Variants in IRAK2 observed in about 807,000 individuals in gnomAD.
IRAK2 encodes the protein interleukin-1 receptor-associated kinase-like 2.
A neutral mutation model predicts 72.0 loss-of-function variants in IRAK2; 57 were observed. That is an observed-to-expected ratio of 0.79 (90% CI 0.64 to 0.99). IRAK2 has a LOEUF of 0.99. Among genes scored for constraint, IRAK2 ranks in the 50% least tolerant of loss-of-function variants. The pLI, the probability that IRAK2 is intolerant of heterozygous loss-of-function variation, is 0.00. For missense variants in IRAK2, 790 were observed against 794.4 expected (o/e 0.99, Z 0.07); for synonymous variants, 293 against 312.7 (o/e 0.94, Z 0.67).
chr3:10,213,119 C>T, intron 4 of IRAK2, 88 bp from the exon 5 acceptor site: 1 of 1,114,916 alleles, frequency 9.0e-7, no homozygotes, highest in Non-Finnish European at 1.3e-6. Context: ...CCCTCCATCC[C>T]TCCATCTCTG....
chr3:10,167,085 A>G (rs1202304289), intron 1 of IRAK2, among the ~76,000 whole-genome samples: 2 of 149,180 alleles, frequency 1.3e-5, no homozygotes, highest in African/African-American at 5.1e-5. Context: ...TAGAAGGCAT[A>G]CCTATGACTT....
intron 3 of IRAK2, among the ~76,000 whole-genome samples, chr3:10,207,540 G>A (rs77536727): frequency 0.031 from 4,791 of 152,162 alleles, 152 homozygotes; most frequent in African/African-American, 0.078. Context: ...TGCGCCCACC[G>A]AGGAGCCCCC....
chr3:10,242,193 G>A lies in IRAK2; in HGVS notation c.1843G>A (p.Glu615Lys). ...GGAGAATATTCTGCTCTACAAAGAG[G>A]AAAAAGTGGACAGCATTGAGCTCTT... ...LMENILLYKE[E>K]KVDSIELFGP is the part of the protein sequence containing the mutation. The change falls in exon 13 of 13, where the codon GAA becomes AAA. Residue 615 changes from glutamate (E) to lysine (K), a missense_variant. Physicochemically the swap from Glu to Lys is moderately conservative, Grantham distance 56. Coordinates refer to ENST00000256458, the MANE Select transcript of IRAK2 (RefSeq NM_001570.4). 6.2e-7 allele frequency: 1 copy of A among 1,613,292 alleles called. No individual in the cohort carries two copies. The highest frequency in any genetic ancestry group is 8.5e-7 in the Non-Finnish European group (1 of 1,179,404).
At chr3:10,212,303 AT>A (rs893283581) in intron 4 of IRAK2, among the ~76,000 whole-genome samples, 5 of 150,080 alleles carry the variant, frequency 3.3e-5, no homozygotes, top group South Asian at 2.1e-4. Flanking sequence ...TTTTTTTGCA[AT>A]TTTTTTTTTA....
rs187523003 is a variant in IRAK2 at position 10,222,524 on chromosome 3, C to A, written c.1014-112C>A. The stretch of plus-strand genomic sequence containing the variant: ...GCTCCATGCTGAGGGTCTTTAGAGA[C>A]CTCAACTTGCAGGAGGTGAGGTTGC... On this transcript the variant is annotated intron_variant, in intron 8 of 12. Transcript: ENST00000256458. 141 of 829,860 alleles carry A rather than the reference C, an allele frequency of 1.7e-4. 1 individual carries two copies. The highest frequency in any genetic ancestry group is 2.4e-5 in the Non-Finnish European group (12 of 497,234). The allele number at this position is 829,860 out of a possible 1,614,324, so 51.4% of individuals were successfully genotyped here. A position where few individuals can be genotyped will look rare whatever the true frequency, so the allele number is the denominator to read the frequency against.
At chr3:10,165,077 C>A (rs1270012602) in intron 1 of IRAK2, 29 bp downstream of exon 1, 1 of 1,575,088 alleles carries the variant, frequency 6.3e-7, no homozygotes, top group South Asian at 1.1e-5. Flanking sequence ...GGGGAGGGGA[C>A]CAGGGCGACC....
chr3:10,233,251 C>T (rs1055020641), intron 10 of IRAK2, among the ~76,000 whole-genome samples: 1 of 152,186 alleles, frequency 6.6e-6, no homozygotes, highest in South Asian at 2.1e-4. Flanking sequence ...GAGGTTTCAC[C>T]GTGTCAGCCA....
In IRAK2 at chr3:10,238,784, C is replaced by T. The variant is rs137894595; in HGVS notation, c.1510C>T (p.Arg504Ter). The T allele has an allele frequency of 4.0e-5, 65 of 1,613,928 alleles. No individual in the cohort carries two copies. Among genetic ancestry groups the T allele is most frequent in the East Asian group, 3.8e-4 (17 of 44,876 alleles). The part of the protein sequence containing the change: ...GSVAAVEERL[R>*]GRETLLPWSG... ...TGTGGCTGCTGTGGAAGAGCGGCTC[C>T]GAGGTCGGGAGACGTTGCTCCCTTG... The change falls in exon 12 of 13, where the codon CGA (arginine) becomes TGA (stop). Residue 504 changes from arginine (R) to a stop codon, truncating the protein, a stop_gained. Coordinates refer to ENST00000256458, the MANE Select transcript of IRAK2 (RefSeq NM_001570.4). LOFTEE classifies it high-confidence loss of function.
At chr3:10,234,062 C>T (rs553809730) in intron 10 of IRAK2, among the ~76,000 whole-genome samples, 1 of 152,194 alleles carries the variant, frequency 6.6e-6, no homozygotes, top group South Asian at 2.1e-4. Context: ...GGGGTTTCGC[C>T]CTGTTGGCCA....
At chr3:10,227,265 T>G (rs944647177) in intron 10 of IRAK2, among the ~76,000 whole-genome samples, 5 of 151,882 alleles carry the variant, frequency 3.3e-5, no homozygotes, top group African/African-American at 4.8e-5. Flanking sequence ...CTGGGCAACA[T>G]GGCGAAACCC....
At chr3:10,226,325 T>C in intron 9 of IRAK2, 46 bp from the exon 10 acceptor site, 1 of 1,504,562 alleles carries the variant, frequency 6.6e-7, no homozygotes, top group Non-Finnish European at 9.2e-7. Flanking sequence ...CCTGGCTGTG[T>C]GCACGAGCGT....
Position 10,177,875 on chromosome 3 carries a change from G to C in IRAK2, c.132G>C (p.Lys44Asn). The change falls in exon 2 of 13, where the codon AAG becomes AAC. Residue 44 changes from lysine (K) to asparagine (N), a missense_variant. Physicochemically the swap from Lys to Asn is moderately conservative, Grantham distance 94 (BLOSUM62 0). Transcript: ENST00000256458. ...YVITDLTQLRKIKSMERVQGV... is the reference protein window; with the variant it reads ...YVITDLTQLRNIKSMERVQGV... ...TCACAGACCTGACCCAGCTGCGGAAGATCAAGTCCATGGAGCGGGTGCAGG... is the reference window on the plus strand; with the variant it reads ...TCACAGACCTGACCCAGCTGCGGAACATCAAGTCCATGGAGCGGGTGCAGG... 1 of 1,613,734 alleles carries C rather than the reference G, an allele frequency of 6.2e-7. No individual in the cohort carries two copies. The highest frequency in any genetic ancestry group is 8.5e-7 in the Non-Finnish European group (1 of 1,180,042).
intron 4 of IRAK2, 151 bp downstream of exon 4, chr3:10,209,843 G>GT (rs5846653): frequency 0.029 from 13,033 of 445,902 alleles, 704 homozygotes; most frequent in African/African-American, 0.15. Flanking sequence ...TTCTAAGACT[G>GT]TAAGTAGAGG....
chr3:10,192,545 A>G (rs760581570), intron 2 of IRAK2, among the ~76,000 whole-genome samples: 3 of 152,234 alleles, frequency 2.0e-5, no homozygotes, highest in Non-Finnish European at 4.4e-5. Context: ...CAGATATAAG[A>G]CAACTACCTT....
At chr3:10,170,988 GGAGAGTGTAGT>G (rs1252746920) in intron 1 of IRAK2, among the ~76,000 whole-genome samples, 3 of 152,230 alleles carry the variant, frequency 2.0e-5, no homozygotes, top group African/African-American at 7.2e-5. Context: ...GGTGATACTG[GGAGAGTGTAGT>G]GAGAACGCTA....
intron 12 of IRAK2, among the ~76,000 whole-genome samples, chr3:10,241,539 A>G (rs574311214): frequency 4.3e-5 from 6 of 140,692 alleles, no homozygotes; most frequent in African/African-American, 1.6e-4. Flanking sequence ...AGCCTGGGCA[A>G]CAGAGTGAGA....
chr3:10,201,150 C>T (rs1035025514), intron 3 of IRAK2, among the ~76,000 whole-genome samples: 5 of 152,218 alleles, frequency 3.3e-5, no homozygotes, highest in African/African-American at 9.6e-5. Context: ...ATTCCAAGTA[C>T]TGTACTTCAA....
intron 1 of IRAK2, among the ~76,000 whole-genome samples, chr3:10,175,537 T>C (rs1696859776): frequency 6.6e-6 from 1 of 152,038 alleles, no homozygotes; most frequent in Non-Finnish European, 1.5e-5. Flanking sequence ...GAAGATTGCT[T>C]GAGGCGAGGA....
chr3:10,187,870 G>A (rs145202699), intron 2 of IRAK2, among the ~76,000 whole-genome samples: 540 of 152,246 alleles, frequency 3.5e-3, no homozygotes, highest in African/African-American at 0.012. Flanking sequence ...GGGGTCAGAG[G>A]CAGTACTTGT....
Sources: allele counts gnomAD v4.1 joint callset (sites outside exome capture counted in the v4.1 genomes callset), GRCh38; gene constraint gnomAD v4.1.1; transcripts MANE v1.5; gene names NCBI Gene and HGNC (gene_info 2026-07-23, HGNC 2026-07-21).